The following PRDM10 variants were observed in gnomAD, a reference collection of about 807,000 sequenced individuals.
PRDM10 encodes PR domain zinc finger protein 10.
In PRDM10, 65 loss-of-function variants were observed where a neutral mutation model predicts 133.1. The observed-to-expected ratio is 0.49, with a 90% confidence interval of 0.40 to 0.60. The LOEUF (loss-of-function observed/expected upper bound fraction) is 0.60, where lower values mean the gene tolerates loss of function less well. Among genes scored for constraint, PRDM10 ranks in the 20% least tolerant of loss-of-function variants. The pLI is 0.00. For synonymous variants in PRDM10, 582 were observed against 580.4 expected, an observed-to-expected ratio of 1.00 and a Z score of -0.04; for missense variants, 1,137 against 1,507.1, an observed-to-expected ratio of 0.75 and a Z score of 4.07.
chr11:129,906,993 A>AG (rs1950036095), intron 19 of PRDM10, among the ~76,000 whole-genome samples: 1 of 151,648 alleles, frequency 6.6e-6, no homozygotes, highest in African/African-American at 2.4e-5. Flanking sequence ...GAAAAAGAAA[A>AG]AAAAAAAAAG....
At chr11:129,972,642 C>T (rs1367184480) in intron 1 of PRDM10, among the ~76,000 whole-genome samples, 1 of 152,178 alleles carries the variant, frequency 6.6e-6, no homozygotes, top group Admixed American at 6.5e-5. Flanking sequence ...ACTCTTACCC[C>T]AGGTCACAGT....
intron 17 of PRDM10, 117 bp from the exon 18 acceptor site, chr11:129,912,342 T>C (rs1195843194): frequency 1.4e-5 from 16 of 1,175,778 alleles, no homozygotes; most frequent in Non-Finnish European, 3.4e-6. Context: ...CAGTGGCTCA[T>C]GCCTATAAAC....
At chr11:129,927,135 G>A (rs534129917) in intron 11 of PRDM10, among the ~76,000 whole-genome samples, 152 of 134,012 alleles carry the variant, frequency 1.1e-3, no homozygotes, top group African/African-American at 3.7e-3. Flanking sequence ...CAGGAGAATC[G>A]CTTGAACCTG....
At chr11:129,903,300 AAATAATAATAATAATAAT>A (rs55765531) in intron 20 of PRDM10, among the ~76,000 whole-genome samples, 3 of 138,020 alleles carry the variant, frequency 2.2e-5, no homozygotes, top group African/African-American at 5.4e-5. Context: ...CTCCGTCTCA[AAATAATAATAATAATAAT>A]AATAATAATA....
chr11:129,915,496 T>C (rs982313762), intron 16 of PRDM10, among the ~76,000 whole-genome samples, 164 bp downstream of exon 16: 2 of 152,158 alleles, frequency 1.3e-5, no homozygotes, highest in Non-Finnish European at 2.9e-5. Context: ...CTCTTTCCAT[T>C]CTCTGCTGTG....
At chr11:129,910,741 G>A in intron 18 of PRDM10, 85 bp from the exon 19 acceptor site, 2 of 1,190,058 alleles carry the variant, frequency 1.7e-6, no homozygotes, top group Non-Finnish European at 1.1e-6. Flanking sequence ...AAGTACACCA[G>A]ACTCATATGA....
At chr11:130,000,429 CCAAT>C (rs1449206717) in intron 1 of PRDM10, among the ~76,000 whole-genome samples, 1 of 152,110 alleles carries the variant, frequency 6.6e-6, no homozygotes, top group Admixed American at 6.5e-5. Flanking sequence ...TTAGGTAGTG[CCAAT>C]CAATTTGGGA....
chr11:129,903,643 G>A (rs1171061273), intron 20 of PRDM10, among the ~76,000 whole-genome samples: 1 of 152,194 alleles, frequency 6.6e-6, no homozygotes, highest in Admixed American at 6.5e-5. Flanking sequence ...GAGGAAGAGA[G>A]ACGTCGCAGA....
intron 11 of PRDM10, among the ~76,000 whole-genome samples, chr11:129,927,781 C>T (rs1950728165): frequency 6.6e-6 from 1 of 152,112 alleles, no homozygotes; most frequent in Non-Finnish European, 1.5e-5. Flanking sequence ...CGTAAAAATG[C>T]TGAAACTGTC....
chr11:129,942,324 C>CTTTTTTT, intron 7 of PRDM10, 102 bp downstream of exon 7: 1 of 1,252,270 alleles, frequency 8.0e-7, no homozygotes, highest in Non-Finnish European at 1.1e-6. Context: ...CCCCCTCCCC[C>CTTTTTTT]TTTTTTGTTA....
intron 7 of PRDM10, among the ~76,000 whole-genome samples, chr11:129,940,374 C>T (rs2135852898): frequency 6.6e-6 from 1 of 152,228 alleles, no homozygotes; most frequent in Admixed American, 6.5e-5. Context: ...ATTAGATTTA[C>T]TCAGCCAAGA....
chr11:130,001,940 C>A (rs1035573155), intron 1 of PRDM10, among the ~76,000 whole-genome samples: 1 of 151,698 alleles, frequency 6.6e-6, no homozygotes, highest in Non-Finnish European at 1.5e-5. Context: ...AGGGGCCACC[C>A]CACACCCCTG....
intron 6 of PRDM10, among the ~76,000 whole-genome samples, chr11:129,944,322 C>T (rs977181941): frequency 2.0e-5 from 3 of 152,074 alleles, no homozygotes; most frequent in Non-Finnish European, 4.4e-5. Context: ...CGGCCGGGCG[C>T]GGTGGCTCAC....
chr11:129,902,346 G>T lies in PRDM10; in HGVS notation c.3438C>A (p.Asn1146Lys). The change falls in exon 21 of 21, where the codon AAC becomes AAA. Residue 1146 changes from asparagine (N) to lysine (K), a missense_variant. By Grantham distance (94) the Asn-to-Lys change is moderately conservative. This residue lies in a region of PRDM10 where 243 missense variants were observed against 259.2 expected (regional missense o/e 0.94). Coordinates refer to ENST00000360871, the MANE Select transcript of PRDM10 (RefSeq NM_199437.2). Reference protein sequence around the residue: ...QYIITTTTNGNGSSEVHITKP With the variant: ...QYIITTTTNGKGSSEVHITKP ...TGGTGATATGCACTTCGCTGCTTCCGTTCCCGTTGGTGGTGGTGGTGATGA... is the reference window on the plus strand; with the variant it reads ...TGGTGATATGCACTTCGCTGCTTCCTTTCCCGTTGGTGGTGGTGGTGATGA... 6.2e-7 allele frequency: 1 copy of T among 1,614,152 alleles called. No homozygotes were observed. Among genetic ancestry groups the T allele is most frequent in the Non-Finnish European group, 8.5e-7 (1 of 1,179,992 alleles).
chr11:129,958,149 TGGG>T (rs898060138), intron 2 of PRDM10, among the ~76,000 whole-genome samples: 2 of 152,156 alleles, frequency 1.3e-5, no homozygotes, highest in Non-Finnish European at 2.9e-5. Context: ...ATAACTCTTT[TGGG>T]GAGTAATAAG....
chr11:129,963,393 AGAGAAGAGAAGAGAAG>A (rs1165808251), intron 1 of PRDM10, among the ~76,000 whole-genome samples: 1 of 114,366 alleles, frequency 8.7e-6, no homozygotes, highest in East Asian at 5.6e-4. Flanking sequence ...AGAGAAGAGA[AGAGAAGAGAAGAGAAG>A]AGAAGAGAAG....
At chr11:129,999,961 A>G (rs1939254947) in intron 1 of PRDM10, among the ~76,000 whole-genome samples, 1 of 152,142 alleles carries the variant, frequency 6.6e-6, no homozygotes, top group Admixed American at 6.5e-5. Context: ...CACACACAAA[A>G]CCAACTTGAA....
chr11:129,931,575 TA>T (rs376797026), intron 10 of PRDM10, among the ~76,000 whole-genome samples: 106 of 138,668 alleles, frequency 7.6e-4, no homozygotes, highest in African/African-American at 2.4e-3. Context: ...TATTTTATTT[TA>T]TTTTTTTTTT....
chr11:129,947,599 T>G lies in PRDM10; in HGVS notation c.295-229A>C. On this transcript the variant is annotated intron_variant, in intron 4 of 20. Transcript: ENST00000360871. This position sits in a 1 kb window ranked among gnomAD's most constrained non-coding sequence, Gnocchi z 4.6. Reference sequence around the variant, plus strand: ...TAAGCCTCTGCCCTCCCTCTGCCCCTTCTGTCCCACACCTGGGAGGGCTGC... The same window carrying G: ...TAAGCCTCTGCCCTCCCTCTGCCCCGTCTGTCCCACACCTGGGAGGGCTGC... 2.2e-6 allele frequency: 3 copies of G among 1,388,940 alleles called. No homozygotes were observed. Among genetic ancestry groups the G allele is most frequent in the Non-Finnish European group, 2.8e-6 (3 of 1,061,468 alleles). 86.0% of individuals were successfully genotyped at this position (1,388,940 alleles called of 1,614,324 possible).
Sources: allele counts gnomAD v4.1 joint callset (sites outside exome capture counted in the v4.1 genomes callset), GRCh38; gene constraint gnomAD v4.1.1; regional missense constraint gnomAD v4.1.1; non-coding constraint Gnocchi (gnomAD v3.1); transcripts MANE v1.5; gene names NCBI Gene and HGNC (gene_info 2026-07-23, HGNC 2026-07-21).